MS4A5: variants seen among roughly 807,000 people sequenced by gnomAD.
The protein encoded by MS4A5 is membrane-spanning 4-domains subfamily A member 5.
A neutral mutation model predicts 18.2 loss-of-function variants in MS4A5; 15 were observed. The ratio of observed to expected loss-of-function variants is 0.83; its 90% CI spans 0.55 to 1.27. MS4A5 has a LOEUF of 1.27. Among genes scored for constraint, MS4A5 ranks in the 50% most tolerant of loss-of-function variants. The pLI, the probability that MS4A5 is intolerant of heterozygous loss-of-function variation, is 0.00. For missense variants in MS4A5, 232 were observed against 225.7 expected (o/e 1.03, Z -0.18); for synonymous variants, 89 against 78.7 (o/e 1.13, Z -0.69).
intron 4 of MS4A5, among the ~76,000 whole-genome samples, chr11:60,437,499 C>T (rs1229763560): frequency 6.6e-6 from 1 of 152,046 alleles, no homozygotes; most frequent in African/African-American, 2.4e-5. Flanking sequence ...AGAGTCAAGA[C>T]CCATCAGTGT....
rs147206734 is a variant in MS4A5, at chr11:60,433,816, G to A, written c.391G>A (p.Gly131Arg). The A allele has an allele frequency of 6.3e-5, 101 of 1,613,714 alleles. No individual in the cohort carries two copies. The African/African-American group carries it at 1.3e-3, about 21-fold the overall frequency. ...TCTTAGTGCCCTGGGAGCAATAGCT[G>A]GAATCATTCTCCTCACATTTGGTTT... ...NFLSALGAIA[G>R]IILLTFGFIL... Residue 131 changes from glycine to arginine, a missense_variant, in exon 4 of 5, where the codon GGA becomes AGA. By Grantham distance (125) the Gly-to-Arg change is moderately radical. Coordinates refer to ENST00000300190, the MANE Select transcript of MS4A5 (RefSeq NM_023945.3).
At chr11:60,441,762 A>T (rs1053259910) in intron 4 of MS4A5, among the ~76,000 whole-genome samples, 6 of 152,046 alleles carry the variant, frequency 3.9e-5, no homozygotes, top group Non-Finnish European at 7.4e-5. Context: ...TAAAATTTTA[A>T]AAAAAGATGG....
chr11:60,447,749 A>T lies in MS4A5; in HGVS notation c.593A>T (p.Gln198Leu). Reference protein sequence around the residue: ...GCHSEDCDCEQCC With the variant: ...GCHSEDCDCELCC ...CACTCAGAGGATTGTGATTGTGAAC[A>T]ATGTTGTTGACTAGCACTGTGAGAA... Residue 198 changes from glutamine to leucine, a missense_variant, in exon 5 of 5, where the codon CAA (glutamine) becomes CTA (leucine). By Grantham distance (113) the Gln-to-Leu change is moderately radical. Coordinates refer to ENST00000300190, the MANE Select transcript of MS4A5 (RefSeq NM_023945.3). 1 of 1,575,062 alleles carries T rather than the reference A, an allele frequency of 6.3e-7. No homozygotes were observed. Among genetic ancestry groups the T allele is most frequent in the Non-Finnish European group, 8.7e-7 (1 of 1,155,054 alleles).
At chr11:60,442,285 A>T (rs1249642262) in intron 4 of MS4A5, among the ~76,000 whole-genome samples, 1 of 152,254 alleles carries the variant, frequency 6.6e-6, no homozygotes, top group Non-Finnish European at 1.5e-5. Context: ...TAACAAAGGC[A>T]TTACCTCCCA....
In MS4A5 at chr11:60,430,809, T is replaced by C. The variant is rs956671483; in HGVS notation, c.167T>C (p.Leu56Pro). The C allele has an allele frequency of 1.2e-6, 2 of 1,612,936 alleles. No individual in the cohort carries two copies. Among genetic ancestry groups the C allele is most frequent in the African/African-American group, 1.3e-5 (1 of 74,852 alleles). ...KMKILGTIQI[L>P]FGIMTFSFGV... ...CTCTATTTGCAGACTATCCAGATCC[T>C]GTTTGGAATTATGACCTTTTCTTTT... is the stretch of plus-strand genomic sequence containing the variant. The change falls in exon 2 of 5, where the codon CTG (leucine) becomes CCG (proline). Residue 56 changes from leucine to proline, a missense_variant. By Grantham distance (98) the Leu-to-Pro change is moderately conservative. Coordinates refer to ENST00000300190, the MANE Select transcript of MS4A5 (RefSeq NM_023945.3).
rs376571958 is a variant in MS4A5 at position 60,429,859 on chromosome 11, C to G, written c.153+32C>G. On this transcript the variant is annotated intron_variant, in intron 1 of 4. Transcript: ENST00000300190. ...AAGACTTGCCCCTATGTATATTTTA[C>G]TGAGGCAGGGGAAAGGCTAGGGAAA... The G allele has an allele frequency of 2.4e-5, 39 of 1,595,838 alleles. 1 individual carries two copies. Among genetic ancestry groups the G allele is most frequent in the Non-Finnish European group, 3.2e-5 (38 of 1,170,828 alleles).
chr11:60,444,171 G>A (rs1461784413), intron 4 of MS4A5, among the ~76,000 whole-genome samples: 8 of 151,996 alleles, frequency 5.3e-5, no homozygotes, highest in Admixed American at 5.2e-4. Flanking sequence ...TAAAAATTAC[G>A]GGTAACTCTA....
intron 4 of MS4A5, among the ~76,000 whole-genome samples, chr11:60,441,804 A>G (rs1485444327): frequency 1.3e-5 from 2 of 152,166 alleles, no homozygotes; most frequent in African/African-American, 4.8e-5. Flanking sequence ...AAAACAAAAC[A>G]CAACTGCATT....
chr11:60,446,733 C>CAA (rs1210889276), intron 4 of MS4A5, among the ~76,000 whole-genome samples: 43 of 114,252 alleles, frequency 3.8e-4, no homozygotes, highest in African/African-American at 1.3e-3. Context: ...AACTCCGTCT[C>CAA]AAAAAAAAAA....
chr11:60,436,481 G>A lies in MS4A5; in HGVS notation c.492+2564G>A, dbSNP rs1468376786. Among the ~76,000 whole-genome samples the A allele has an allele frequency of 3.6e-5, 5 of 136,996 alleles. 1 individual carries two copies. Among genetic ancestry groups the A allele is most frequent in the East Asian group, 2.1e-4 (1 of 4,856 alleles). 89.9% of individuals were successfully genotyped at this position (136,996 alleles called of 152,430 possible). On this transcript the variant is annotated intron_variant, in intron 4 of 4. Transcript: ENST00000300190. ...AGACGATCAAATTACTCTGAGCTAT[G>A]GGAGGACATTCAAACCAAAGGCAAA...
At chr11:60,435,229 A>G (rs1024569440) in intron 4 of MS4A5, among the ~76,000 whole-genome samples, 1 of 152,158 alleles carries the variant, frequency 6.6e-6, no homozygotes, top group Admixed American at 6.5e-5. Context: ...ATAAATTCCC[A>G]TCAAATTTTC....
intron 4 of MS4A5, among the ~76,000 whole-genome samples, chr11:60,441,389 T>A (rs1246805848): frequency 9.9e-6 from 1 of 101,284 alleles, no homozygotes; most frequent in Non-Finnish European, 2.0e-5. Context: ...GTAACTAACC[T>A]GCACAATGTG....
chr11:60,441,541 TC>T (rs35363067), intron 4 of MS4A5, among the ~76,000 whole-genome samples: 3 of 145,974 alleles, frequency 2.1e-5, no homozygotes, highest in Non-Finnish European at 4.5e-5. Context: ...AATGGGTATA[TC>T]CTTACTATTT....
At position 60,447,683 on chromosome 11, in the gene MS4A5, T is replaced by C. The variant is rs1003711639; in HGVS notation, c.527T>C (p.Ile176Thr). The C allele has an allele frequency of 2.5e-6, 4 of 1,591,622 alleles. No individual in the cohort carries two copies. The highest frequency in any genetic ancestry group is 2.2e-5 in the East Asian group (1 of 44,578). ...ATTACATTGATGACTTTCAGCATTA[T>C]TGAATTATTCATTTCTCTGCCTTTC... Reference protein sequence around the residue: ...ILITLMTFSIIELFISLPFSI... With the variant: ...ILITLMTFSITELFISLPFSI... Residue 176 changes from isoleucine (I) to threonine (T), a missense_variant, in exon 5 of 5, where the codon ATT becomes ACT. Ile to Thr is a moderately conservative substitution (Grantham distance 89). Coordinates refer to ENST00000300190, the MANE Select transcript of MS4A5 (RefSeq NM_023945.3).
rs983815057 is a variant in MS4A5 at position 60,434,171 on chromosome 11, C to A, written c.492+254C>A. On this transcript the variant is annotated intron_variant, in intron 4 of 4. Transcript: ENST00000300190. ...AAAACATACACAAATCAGTATGATA[C>A]AAATATAAATCTAAAAAAAAAAGGT... Among the ~76,000 whole-genome samples, 244 of 149,958 alleles carry A rather than the reference C, an allele frequency of 1.6e-3. 3 individuals carry two copies. The highest frequency in any genetic ancestry group is 1.0e-4 in the Non-Finnish European group (7 of 67,824).
chr11:60,437,335 C>T (rs1447158945), intron 4 of MS4A5, among the ~76,000 whole-genome samples: 1 of 149,632 alleles, frequency 6.7e-6, no homozygotes, highest in Non-Finnish European at 1.5e-5. Flanking sequence ...AATGTAAAGA[C>T]CATCGAGACT....
chr11:60,429,641 A>C lies in MS4A5; in HGVS notation c.-34A>C, dbSNP rs1324629477. 9 of 1,590,726 alleles carry C rather than the reference A, an allele frequency of 5.7e-6. No homozygotes were observed. The highest frequency in any genetic ancestry group is 7.7e-6 in the Non-Finnish European group (9 of 1,171,024). On this transcript the variant is annotated 5_prime_UTR_variant, in exon 1 of 5. Transcript: ENST00000300190. ...ATGGTCTAGACTGAAGTACCAACTA[A>C]ATCATCTCCTTTCAAATTATCACCG...
intron 4 of MS4A5, among the ~76,000 whole-genome samples, chr11:60,436,259 C>A (rs1344316803): frequency 2.1e-5 from 3 of 145,416 alleles, no homozygotes; most frequent in Non-Finnish European, 1.5e-5. Flanking sequence ...GACATCCACA[C>A]CAAAAACCCA....
chr11:60,440,444 A>G (rs1447923421), intron 4 of MS4A5, among the ~76,000 whole-genome samples: 1 of 124,524 alleles, frequency 8.0e-6, no homozygotes, highest in African/African-American at 2.8e-5. Flanking sequence ...ATTAAACTAA[A>G]GAGCTTCTGC....
Sources: gnomAD v4.1 joint callset for allele counts (sites outside exome capture counted in the v4.1 genomes callset) on GRCh38, gnomAD v4.1.1 for gene constraint, MANE v1.5 for transcripts, NCBI Gene and HGNC (gene_info 2026-07-23, HGNC 2026-07-21) for gene names.